Variants in TENM3 observed in about 807,000 individuals in gnomAD.
TENM3 encodes teneurin transmembrane protein 3, also known as teneurin-3.
A neutral mutation model predicts 255.1 loss-of-function variants in TENM3; 63 were observed. That is an observed-to-expected ratio of 0.25 (90% CI 0.20 to 0.30). TENM3 has a LOEUF of 0.30. Ranked by LOEUF, TENM3 falls within the 10% of genes least tolerant of loss-of-function variation. TENM3 has a pLI of 1.00. For synonymous variants in TENM3, 1,306 were observed against 1,322.3 expected (o/e 0.99, Z 0.27); for missense variants, 2,929 against 3,461.1 (o/e 0.85, Z 3.86).
chr4:182,779,330 T>C (rs1045023824), intron 24 of TENM3, among the ~76,000 whole-genome samples: 45 of 152,250 alleles, frequency 3.0e-4, no homozygotes, highest in African/African-American at 9.9e-4. Flanking sequence ...GTACTTGCGA[T>C]AGTTTACTGA....
chr4:182,241,632 C>G (rs1289190749), upstream of TENM3, among the ~76,000 whole-genome samples: 2 of 151,282 alleles, frequency 1.3e-5, no homozygotes, highest in East Asian at 2.0e-4. Context: ...GCCTCAGCCT[C>G]CTGAGTAGCT....
the TENM3 span, among the ~76,000 whole-genome samples, chr4:181,709,524 G>A: frequency 6.6e-6 from 1 of 152,236 alleles, no homozygotes; most frequent in East Asian, 1.9e-4. Flanking sequence ...TAATGTGAGG[G>A]AGGCAGAATA....
chr4:182,237,370 G>GTTT (rs1554036264), intron 1 of TENM3, among the ~76,000 whole-genome samples: 4 of 101,650 alleles, frequency 3.9e-5, no homozygotes, highest in Non-Finnish European at 7.8e-5. Flanking sequence ...CAGACATTCT[G>GTTT]TTTTCTTTTT....
At chr4:182,633,832 A>T (rs959390386) in intron 5 of TENM3, among the ~76,000 whole-genome samples, 5 of 152,218 alleles carry the variant, frequency 3.3e-5, no homozygotes, top group African/African-American at 1.2e-4. Flanking sequence ...AAGAAATTGA[A>T]GAGATTTAAG....
At chr4:182,220,540 C>T (rs1456445874) in intron 1 of TENM3, among the ~76,000 whole-genome samples, 1 of 114,752 alleles carries the variant, frequency 8.7e-6, no homozygotes, top group Non-Finnish European at 2.0e-5. Flanking sequence ...TGCTGCGATT[C>T]CAGGTCCAAA....
the TENM3 span, among the ~76,000 whole-genome samples, chr4:181,456,904 C>T: frequency 3.3e-5 from 5 of 151,732 alleles, no homozygotes; most frequent in Non-Finnish European, 5.9e-5. Context: ...GAATGGTAGA[C>T]ATTTGGAATA....
At chr4:182,676,597 G>A (rs940062190) in intron 7 of TENM3, among the ~76,000 whole-genome samples, 17 of 152,226 alleles carry the variant, frequency 1.1e-4, no homozygotes, top group Non-Finnish European at 1.6e-4. Context: ...TTTTAGTAAC[G>A]GAATTGAATT....
chr4:182,425,975 T>G (rs1328601423), intron 3 of TENM3, among the ~76,000 whole-genome samples: 3 of 131,306 alleles, frequency 2.3e-5, no homozygotes, highest in Non-Finnish European at 4.6e-5. Context: ...ACCATTGCAC[T>G]CCAGCCTAAG....
chr4:182,523,026 A>G (rs1295918558), intron 3 of TENM3, among the ~76,000 whole-genome samples: 1 of 151,882 alleles, frequency 6.6e-6, no homozygotes, highest in Non-Finnish European at 1.5e-5. Flanking sequence ...TGGGGTTTTC[A>G]TTTGTATTTT....
chr4:181,525,643 T>G, the TENM3 span, among the ~76,000 whole-genome samples: 4 of 152,270 alleles, frequency 2.6e-5, no homozygotes, highest in African/African-American at 9.6e-5. Context: ...CTTTTCCCCC[T>G]GTGTTTTTTT....
intron 13 of TENM3, among the ~76,000 whole-genome samples, chr4:182,720,365 TA>T (rs78196677): frequency 2.5e-4 from 37 of 148,280 alleles, no homozygotes; most frequent in Middle Eastern, 7.2e-3. Flanking sequence ...AGAGGGAGTT[TA>T]AAAAAAAAAA....
the TENM3 span, among the ~76,000 whole-genome samples, chr4:181,707,032 G>A: frequency 6.6e-6 from 1 of 152,188 alleles, no homozygotes; most frequent in Non-Finnish European, 1.5e-5. Context: ...TCTGATGGAA[G>A]TACTAGACTG....
At chr4:181,994,501 T>C in the TENM3 span, among the ~76,000 whole-genome samples, 1 of 152,134 alleles carries the variant, frequency 6.6e-6, no homozygotes, top group East Asian at 1.9e-4. Flanking sequence ...TCTATTGTTT[T>C]GTTTTCTTTT....
intron 3 of TENM3, among the ~76,000 whole-genome samples, chr4:182,388,717 T>C (rs1248885339): frequency 6.6e-6 from 1 of 151,432 alleles, no homozygotes; most frequent in Non-Finnish European, 1.5e-5. Flanking sequence ...TTGTGTATTA[T>C]CATGCTTTTG....
chr4:182,665,532 A>G (rs555417002), intron 6 of TENM3, among the ~76,000 whole-genome samples: 1 of 152,176 alleles, frequency 6.6e-6, no homozygotes, highest in East Asian at 1.9e-4. Flanking sequence ...GTATTTAAGA[A>G]GTACATTTTG....
the TENM3 span, among the ~76,000 whole-genome samples, chr4:181,508,752 T>C: frequency 6.6e-6 from 1 of 152,140 alleles, no homozygotes; most frequent in African/African-American, 2.4e-5. Flanking sequence ...TGTAGCTTGG[T>C]CTATTTTCAT....
chr4:181,907,586 A>G, the TENM3 span, among the ~76,000 whole-genome samples: 4 of 152,098 alleles, frequency 2.6e-5, no homozygotes. Context: ...TGAGACGTGG[A>G]GAAGGGAAGA....
the TENM3 span, among the ~76,000 whole-genome samples, chr4:181,546,733 G>A: frequency 0.18 from 11,089 of 60,180 alleles, 1,203 homozygotes; most frequent in African/African-American, 0.43. Flanking sequence ...AAAAAAAGAA[G>A]AAGAAGAAGA....
intron 1 of TENM3, among the ~76,000 whole-genome samples, chr4:182,208,175 T>C (rs1754714846): frequency 1.3e-5 from 2 of 152,250 alleles, no homozygotes; most frequent in South Asian, 4.1e-4. Flanking sequence ...CTTTATGATG[T>C]TAAGTATTTG....
Sources: allele counts gnomAD v4.1 joint callset (sites outside exome capture counted in the v4.1 genomes callset), GRCh38; gene constraint gnomAD v4.1.1; transcripts MANE v1.5; gene names NCBI Gene and HGNC (gene_info 2026-07-23, HGNC 2026-07-21).